Variants in ZSCAN25 observed in about 807,000 individuals in gnomAD.
ZSCAN25 encodes zinc finger and SCAN domain containing 25.
In ZSCAN25, 27 loss-of-function variants were observed where a neutral mutation model predicts 38.7. The observed-to-expected ratio is 0.70, with a 90% CI of 0.51 to 0.96. ZSCAN25 has a LOEUF of 0.96. Ranked by LOEUF, ZSCAN25 falls within the 40% of genes least tolerant of loss-of-function variation. The pLI is 0.00. For missense variants in ZSCAN25, 637 were observed against 705.9 expected (o/e 0.90, Z 1.11); for synonymous variants, 273 against 277.7 (o/e 0.98, Z 0.17).
chr7:99,647,721 C>T, the ZSCAN25 span: 1 of 985,378 alleles, frequency 1.0e-6, no homozygotes, highest in Non-Finnish European at 1.2e-6. Context: ...TGTTAATAAT[C>T]AAATTGGAAT....
chr7:99,623,205 G>A (rs1279097676), intron 6 of ZSCAN25, among the ~76,000 whole-genome samples: 1 of 152,112 alleles, frequency 6.6e-6, no homozygotes, highest in Non-Finnish European at 1.5e-5. Flanking sequence ...GCCGTTTATG[G>A]GTACTTCTGC....
chr7:99,692,785 G>A, the ZSCAN25 span, among the ~76,000 whole-genome samples: 1 of 152,074 alleles, frequency 6.6e-6, no homozygotes, highest in Non-Finnish European at 1.5e-5. Context: ...ATTTTAGTTA[G>A]CCATTCATGT....
chr7:99,637,119 T>G (rs906531786), downstream of ZSCAN25, among the ~76,000 whole-genome samples: 11 of 151,616 alleles, frequency 7.3e-5, no homozygotes, highest in African/African-American at 2.7e-4. Flanking sequence ...AAAAATGACT[T>G]ATAGCTTCAG....
downstream of ZSCAN25, among the ~76,000 whole-genome samples, chr7:99,636,413 ATGTT>A (rs1396565897): frequency 2.0e-5 from 3 of 152,220 alleles, no homozygotes; most frequent in South Asian, 2.1e-4. Context: ...TTTAAGTAAA[ATGTT>A]TGTCAAGAGT....
At chr7:99,644,709 C>T in the ZSCAN25 span, among the ~76,000 whole-genome samples, 6 of 152,184 alleles carry the variant, frequency 3.9e-5, no homozygotes, top group African/African-American at 1.2e-4. Context: ...GAAGCACATT[C>T]CTAGGGATTA....
In ZSCAN25 at chr7:99,631,065, A is replaced by G; in HGVS notation, c.*1045A>G. ...CTTGAGACACATCCATGAATAAAATAGGGGGAGAAGCTGTTGACCTCGTAG... is the reference window on the plus strand; with the variant it reads ...CTTGAGACACATCCATGAATAAAATGGGGGGAGAAGCTGTTGACCTCGTAG... On this transcript the variant is annotated 3_prime_UTR_variant, in exon 8 of 8. Transcript: ENST00000394152. The G allele has an allele frequency of 1.0e-6, 1 of 983,436 alleles. No individual in the cohort carries two copies. The highest frequency in any genetic ancestry group is 1.2e-6 in the Non-Finnish European group (1 of 828,102). The allele number at this position is 983,436 out of a possible 1,614,324, so 60.9% of individuals were successfully genotyped here. A position where few individuals can be genotyped will look rare whatever the true frequency, so the allele number is the denominator to read the frequency against.
the ZSCAN25 span, chr7:99,667,204 G>T: frequency 1.9e-6 from 1 of 534,154 alleles, no homozygotes; most frequent in Non-Finnish European, 2.8e-6. Flanking sequence ...TATTCAAGAT[G>T]CTCAATGGAG....
the ZSCAN25 span, chr7:99,671,115 A>G: frequency 8.7e-6 from 1 of 115,544 alleles, no homozygotes; most frequent in African/African-American, 3.4e-5. Context: ...TACACAGACC[A>G]TTTGTGTGTG....
chr7:99,711,683 G>T, the ZSCAN25 span, among the ~76,000 whole-genome samples: 1 of 152,098 alleles, frequency 6.6e-6, no homozygotes, highest in Non-Finnish European at 1.5e-5. Flanking sequence ...CAGAATAATC[G>T]CTTGAATCTG....
the ZSCAN25 span, among the ~76,000 whole-genome samples, chr7:99,696,428 G>C: frequency 6.6e-6 from 1 of 151,994 alleles, no homozygotes. Flanking sequence ...ATTCATAGAG[G>C]GGTGTCAGAG....
At chr7:99,692,844 T>A in the ZSCAN25 span, among the ~76,000 whole-genome samples, 2 of 152,166 alleles carry the variant, frequency 1.3e-5, no homozygotes, top group Non-Finnish European at 2.9e-5. Context: ...TAGAACATGC[T>A]CCTTTAGCTC....
chr7:99,708,820 T>C, the ZSCAN25 span, among the ~76,000 whole-genome samples: 1 of 152,206 alleles, frequency 6.6e-6, no homozygotes, highest in Non-Finnish European at 1.5e-5. Flanking sequence ...AGGACCTTCA[T>C]CTTAAGTTGC....
chr7:99,735,591 A>G, the ZSCAN25 span, among the ~76,000 whole-genome samples: 4 of 152,146 alleles, frequency 2.6e-5, no homozygotes, highest in South Asian at 8.3e-4. Context: ...GAAGACTCCT[A>G]CACATCCTTT....
the ZSCAN25 span, among the ~76,000 whole-genome samples, chr7:99,689,029 G>A: frequency 3.9e-4 from 59 of 152,296 alleles, no homozygotes; most frequent in East Asian, 0.011. Flanking sequence ...TATGTAGAGG[G>A]AAATTTATAG....
the ZSCAN25 span, among the ~76,000 whole-genome samples, chr7:99,709,746 G>A: frequency 1.3e-5 from 2 of 151,128 alleles, no homozygotes; most frequent in Admixed American, 1.3e-4. Context: ...AACAAAAACA[G>A]TTACAAAGCA....
chr7:99,630,670 C>T lies in ZSCAN25; in HGVS notation c.*650C>T. On this transcript the variant is annotated 3_prime_UTR_variant, in exon 8 of 8. Coordinates refer to ENST00000394152, the MANE Select transcript of ZSCAN25 (RefSeq NM_145115.3). ...CTTCCCTCCCCAGCTGGGATCTGCT[C>T]CCAGGCAACTGTGTGAATTTTACAT... is the stretch of plus-strand genomic sequence containing the variant. 1 of 985,602 alleles carries T rather than the reference C, an allele frequency of 1.0e-6. No individual in the cohort carries two copies. The highest frequency in any genetic ancestry group is 1.2e-6 in the Non-Finnish European group (1 of 830,048). The allele number at this position is 985,602 out of a possible 1,614,324, so 61.1% of individuals were successfully genotyped here.
At chr7:99,622,720 C>A in intron 6 of ZSCAN25, 80 bp downstream of exon 6, 1 of 1,355,080 alleles carries the variant, frequency 7.4e-7, no homozygotes, top group Non-Finnish European at 1.0e-6. Flanking sequence ...CTCTGCACAA[C>A]AGTGTTCCCT....
the ZSCAN25 span, among the ~76,000 whole-genome samples, chr7:99,725,604 GC>G: frequency 2.0e-5 from 3 of 152,206 alleles, no homozygotes; most frequent in African/African-American, 4.8e-5. Context: ...CCTAAGCCGT[GC>G]CCTGTCTGTG....
chr7:99,663,874 AT>A, the ZSCAN25 span: 2 of 1,454,066 alleles, frequency 1.4e-6, no homozygotes, highest in Non-Finnish European at 9.0e-7. Flanking sequence ...CTCTGTCTTT[AT>A]TTTTAAAAAT....
Sources: gnomAD v4.1 joint callset for allele counts (sites outside exome capture counted in the v4.1 genomes callset) on GRCh38, gnomAD v4.1.1 for gene constraint, MANE v1.5 for transcripts, NCBI Gene and HGNC (gene_info 2026-07-23, HGNC 2026-07-21) for gene names.